C12orf56: variants seen among roughly 807,000 people sequenced by gnomAD.
C12orf56 encodes chromosome 12 open reading frame 56.
Under a neutral mutation model 69.9 loss-of-function variants are expected in C12orf56, and 71 were observed. The observed-to-expected ratio is 1.02, with a 90% CI of 0.84 to 1.24. C12orf56 has a LOEUF of 1.24. C12orf56 is among the 50% of genes most tolerant of loss of function. C12orf56 has a pLI of 0.00. For missense variants in C12orf56, 732 were observed against 738.5 expected, an observed-to-expected ratio of 0.99 and a Z score of 0.10; for synonymous variants, 276 against 274.1, an observed-to-expected ratio of 1.01 and a Z score of -0.07.
chr12:64,382,879 A>AAG (rs1004506039), intron 1 of C12orf56, among the ~76,000 whole-genome samples: 1 of 151,608 alleles, frequency 6.6e-6, no homozygotes, highest in East Asian at 1.9e-4. Flanking sequence ...TCAAAAAAAA[A>AAG]AAAAAAAATT....
intron 11 of C12orf56, 121 bp from the exon 12 acceptor site, chr12:64,270,835 A>C (rs1481592375): frequency 1.3e-6 from 1 of 767,844 alleles, no homozygotes; most frequent in Non-Finnish European, 2.1e-6. Context: ...CCACTGTTGC[A>C]ATGTTCCTTA....
At chr12:64,273,078 G>A (rs1488580278) in intron 11 of C12orf56, among the ~76,000 whole-genome samples, 1 of 152,162 alleles carries the variant, frequency 6.6e-6, no homozygotes, top group South Asian at 2.1e-4. Flanking sequence ...ATGATCACCT[G>A]AGGTCAGGAG....
intron 11 of C12orf56, among the ~76,000 whole-genome samples, chr12:64,272,684 GA>G (rs5798741): frequency 0.7 from 106,704 of 151,890 alleles, 38,682 homozygotes; most frequent in Non-Finnish European, 0.8. Flanking sequence ...CCACCACACA[GA>G]AAACAAAGGG....
chr12:64,306,145 G>T (rs2038509150), intron 5 of C12orf56, among the ~76,000 whole-genome samples: 1 of 151,862 alleles, frequency 6.6e-6, no homozygotes, highest in Non-Finnish European at 1.5e-5. Context: ...ATAAATGGAG[G>T]TCTCATATAC....
intron 12 of C12orf56, among the ~76,000 whole-genome samples, chr12:64,268,113 G>T (rs752944878): frequency 6.6e-6 from 1 of 152,176 alleles, no homozygotes. Flanking sequence ...GTTTAGGGAT[G>T]CTCAACCTGT....
chr12:64,376,481 C>G (rs1308738407), intron 1 of C12orf56, among the ~76,000 whole-genome samples: 1 of 152,152 alleles, frequency 6.6e-6, no homozygotes, highest in Admixed American at 6.6e-5. Flanking sequence ...ACAGCAATTA[C>G]TTTTGTACCA....
At chr12:64,304,645 G>T (rs1254530788) in intron 5 of C12orf56, among the ~76,000 whole-genome samples, 3 of 152,060 alleles carry the variant, frequency 2.0e-5, no homozygotes, top group African/African-American at 7.2e-5. Context: ...AAATGTCACC[G>T]GGTTAAATAT....
chr12:64,310,973 G>A (rs546218707), intron 5 of C12orf56, among the ~76,000 whole-genome samples: 40 of 151,828 alleles, frequency 2.6e-4, no homozygotes, highest in Admixed American at 9.2e-4. Flanking sequence ...GTAGTGTTTG[G>A]TTTCTCGTCC....
intron 1 of C12orf56, among the ~76,000 whole-genome samples, chr12:64,357,106 T>TAA (rs1253193336): frequency 1.4e-5 from 2 of 143,524 alleles, no homozygotes; most frequent in African/African-American, 2.6e-5. Flanking sequence ...AGCAGGCTCC[T>TAA]AAAAAAAAAA....
At chr12:64,320,151 T>C (rs2038752624) in intron 3 of C12orf56, among the ~76,000 whole-genome samples, 1 of 152,242 alleles carries the variant, frequency 6.6e-6, no homozygotes, top group Non-Finnish European at 1.5e-5. Flanking sequence ...CACTAGTTAC[T>C]GGGTTACGCG....
At chr12:64,360,707 A>C (rs1172104514) in intron 1 of C12orf56, among the ~76,000 whole-genome samples, 1 of 152,230 alleles carries the variant, frequency 6.6e-6, no homozygotes, top group Non-Finnish European at 1.5e-5. Flanking sequence ...ATTTGTTTTT[A>C]GGACTGTTTA....
At chr12:64,284,614 A>G (rs1449997298) in intron 8 of C12orf56, 50 bp downstream of exon 8, 1 of 1,318,350 alleles carries the variant, frequency 7.6e-7, no homozygotes, top group Non-Finnish European at 1.1e-6. Context: ...TAATAAGAAT[A>G]GTTAATGGGT....
Position 64,270,616 on chromosome 12 carries a change from T to C in C12orf56, c.1683A>G (p.Gln561=), listed in dbSNP as rs2136741204. ...GCAGACAGCTCTTGAGGATGTAAAA[T>C]TGCTGGTACAACAGAACTGCTTGGC... ...SPCQAVLLYQ[Q]FYILKSCLRH... is the part of the protein sequence containing the mutation. Residue 561 remains glutamine (Q), a synonymous_variant, in exon 12 of 13, where the codon CAA becomes CAG. Coordinates refer to ENST00000543942, the MANE Select transcript of C12orf56 (RefSeq NM_001170633.2). 3 of 1,613,806 alleles carry C rather than the reference T, an allele frequency of 1.9e-6. No individual in the cohort carries two copies. In the African/African-American group the frequency reaches 4.0e-5, roughly 22 times the overall value.
intron 1 of C12orf56, among the ~76,000 whole-genome samples, chr12:64,353,399 C>T (rs914110086): frequency 6.6e-6 from 1 of 152,044 alleles, no homozygotes; most frequent in African/African-American, 2.4e-5. Context: ...CTTAAGTGAT[C>T]GCCCACCTCG....
In C12orf56 at chr12:64,303,705, A is replaced by G. The variant is rs1224836458; in HGVS notation, c.1043T>C (p.Ile348Thr). ...TTTAAGTTCCATAAGTAAAGAAAGT[A>G]TCCTCCTCAAAGAATTGTCTTTAAG... Reference protein sequence around the residue: ...LFLKDNSLRRILSLLMELKVA... With the variant: ...LFLKDNSLRRTLSLLMELKVA... Residue 348 changes from isoleucine to threonine, a missense_variant, in exon 6 of 13, where the codon ATA becomes ACA. Physicochemically the swap from Ile to Thr is moderately conservative, Grantham distance 89 (BLOSUM62 -1). Transcript: ENST00000543942. 2 of 1,580,012 alleles carry G rather than the reference A, an allele frequency of 1.3e-6. No individual in the cohort carries two copies. The highest frequency in any genetic ancestry group is 1.7e-6 in the Non-Finnish European group (2 of 1,162,684).
In C12orf56 at chr12:64,382,747, C is replaced by T. The variant is rs145095396; in HGVS notation, c.252+7567G>A. 7.0e-4 allele frequency among the ~76,000 whole-genome samples: 107 copies of T among 152,010 alleles called. No individual in the cohort carries two copies. In the East Asian group the frequency reaches 0.015, roughly 21 times the overall value. ...AATTAGCTGGGCATGGTGGCGGGTGCCTGTAGTCCTAGCTACTCAGGAGGC... is the reference window on the plus strand; with the variant it reads ...AATTAGCTGGGCATGGTGGCGGGTGTCTGTAGTCCTAGCTACTCAGGAGGC... On this transcript the variant is annotated intron_variant, in intron 1 of 12. Coordinates refer to ENST00000543942, the MANE Select transcript of C12orf56 (RefSeq NM_001170633.2).
chr12:64,330,553 G>C (rs2038916478), intron 3 of C12orf56, among the ~76,000 whole-genome samples: 1 of 152,178 alleles, frequency 6.6e-6, no homozygotes, highest in Admixed American at 6.6e-5. Flanking sequence ...TGTGGACTAT[G>C]TATTTTCTTA....
At chr12:64,275,123 A>G in intron 10 of C12orf56, 148 bp from the exon 11 acceptor site, 1 of 812,442 alleles carries the variant, frequency 1.2e-6, no homozygotes. Context: ...ACTTAAGAGC[A>G]AAGTTCATAT....
In C12orf56 at chr12:64,270,589, C is replaced by G; in HGVS notation, c.1710G>C (p.Arg570=). The G allele has an allele frequency of 6.2e-7, 1 of 1,612,960 alleles. No homozygotes were observed. Among genetic ancestry groups the G allele is most frequent in the Admixed American group, 1.7e-5 (1 of 59,812 alleles). ...QQFYILKSCL[R]HSRTLAEYIR... is the part of the protein sequence containing the mutation. ...TATACTCAGCTAGAGTCCTGCTGTG[C>G]CGCAGACAGCTCTTGAGGATGTAAA... The change falls in exon 12 of 13, where the codon CGG becomes CGC. Residue 570 remains arginine (R), a synonymous_variant. Coordinates refer to ENST00000543942, the MANE Select transcript of C12orf56 (RefSeq NM_001170633.2).
Sources: allele counts gnomAD v4.1 joint callset (sites outside exome capture counted in the v4.1 genomes callset), GRCh38; gene constraint gnomAD v4.1.1; transcripts MANE v1.5; gene names NCBI Gene and HGNC (gene_info 2026-07-23, HGNC 2026-07-21).